The following PPP1R7 variants were observed in gnomAD, a reference collection of about 807,000 sequenced individuals.
PPP1R7 encodes the protein protein phosphatase 1 regulatory subunit 22.
In PPP1R7, 18 loss-of-function variants were observed where a neutral mutation model predicts 45.2. The ratio of observed to expected loss-of-function variants is 0.40; its 90% CI spans 0.28 to 0.59. The LOEUF (loss-of-function observed/expected upper bound fraction) is 0.59. Ranked by LOEUF, PPP1R7 falls within the 20% of genes least tolerant of loss-of-function variation. PPP1R7 has a pLI of 0.46. For synonymous variants in PPP1R7, 181 were observed against 183.4 expected (o/e 0.99, Z 0.11); for missense variants, 314 against 455.8 (o/e 0.69, Z 2.83).
intron 3 of PPP1R7, among the ~76,000 whole-genome samples, 193 bp from the exon 4 acceptor site, chr2:241,158,291 G>A (rs557260711): frequency 6.6e-6 from 1 of 152,330 alleles, no homozygotes; most frequent in South Asian, 2.1e-4. Flanking sequence ...TTAAGGGCCA[G>A]TTTTACATAA....
At chr2:241,169,948 A>G (rs2067785558) in intron 9 of PPP1R7, 81 bp downstream of exon 9, 6 of 1,182,090 alleles carry the variant, frequency 5.1e-6, no homozygotes, top group South Asian at 1.2e-5. Context: ...AATGAATACA[A>G]GAATCTCCTG....
At chr2:241,166,054 C>G (rs558387339) in intron 7 of PPP1R7, among the ~76,000 whole-genome samples, 161 of 151,690 alleles carry the variant, frequency 1.1e-3, no homozygotes, top group Non-Finnish European at 2.0e-3. Flanking sequence ...AGGCGCCCAT[C>G]ATCACACCTG....
chr2:241,153,839 G>A (rs1208642120), intron 2 of PPP1R7, among the ~76,000 whole-genome samples: 2 of 152,134 alleles, frequency 1.3e-5, no homozygotes, highest in African/African-American at 4.8e-5. Flanking sequence ...TCCACTGAAG[G>A]CAAATCCTAG....
At chr2:241,169,734 C>G in intron 8 of PPP1R7, 47 bp from the exon 9 acceptor site, 1 of 1,500,794 alleles carries the variant, frequency 6.7e-7, no homozygotes, top group South Asian at 1.1e-5. Flanking sequence ...ATGCAAATCA[C>G]TGTTGATCAG....
At chr2:241,181,416 G>A (rs1378919283) in intron 9 of PPP1R7, among the ~76,000 whole-genome samples, 1 of 152,060 alleles carries the variant, frequency 6.6e-6, no homozygotes, top group Non-Finnish European at 1.5e-5. Flanking sequence ...TGCAGGCTCT[G>A]AGGAGGGAGT....
intron 2 of PPP1R7, among the ~76,000 whole-genome samples, chr2:241,154,619 C>T (rs898646879): frequency 1.3e-5 from 2 of 152,184 alleles, no homozygotes; most frequent in African/African-American, 2.4e-5. Flanking sequence ...GCAGGAGAAT[C>T]GCTTGAACCA....
chr2:241,169,990 A>C (rs895221878), intron 9 of PPP1R7, 123 bp downstream of exon 9: 3 of 792,484 alleles, frequency 3.8e-6, no homozygotes, highest in Non-Finnish European at 6.2e-6. Flanking sequence ...TCCGCACATC[A>C]TGAGATTTGG....
chr2:241,154,418 T>C (rs2067399929), intron 2 of PPP1R7, among the ~76,000 whole-genome samples: 1 of 152,136 alleles, frequency 6.6e-6, no homozygotes. Flanking sequence ...CCGGGCGTAA[T>C]GGCTTACGCC....
intron 1 of PPP1R7, among the ~76,000 whole-genome samples, 169 bp from the exon 2 acceptor site, chr2:241,153,307 A>T (rs1481170298): frequency 2.0e-5 from 3 of 152,204 alleles, no homozygotes; most frequent in Non-Finnish European, 4.4e-5. Context: ...CCCCGCGGCC[A>T]TATGCCTCAA....
At chr2:241,166,942 C>T in intron 8 of PPP1R7, 1 of 966,724 alleles carries the variant, frequency 1.0e-6, no homozygotes, top group East Asian at 2.5e-5. Flanking sequence ...CCTCTTCTTA[C>T]AGTATGAGCA....
At chr2:241,158,940 C>T (rs1459611387) in intron 4 of PPP1R7, 9 of 451,596 alleles carry the variant, frequency 2.0e-5, no homozygotes, top group African/African-American at 7.8e-5. Flanking sequence ...ACACCCCAGG[C>T]CAACGCCTCC....
chr2:241,154,901 C>G (rs2067417599), intron 2 of PPP1R7: 1 of 152,062 alleles, frequency 6.6e-6, no homozygotes, highest in Non-Finnish European at 1.5e-5. Flanking sequence ...AGAAACAAAC[C>G]TAATTTTTAA....
intron 5 of PPP1R7, 78 bp downstream of exon 5, chr2:241,159,421 C>T: frequency 2.6e-6 from 4 of 1,543,222 alleles, no homozygotes; most frequent in Non-Finnish European, 3.5e-6. Context: ...CAGAGCCAAC[C>T]TCCTGCTGGC....
rs528575226 is a variant in PPP1R7, at chr2:241,158,786, G to T, written c.303+237G>T. ...CCTGAGCCCAGGCAGCCAGTGACCT[G>T]TGACTCTGGCCTGCCTCGGTTTCTG... On this transcript the variant is annotated intron_variant, in intron 4 of 9. Transcript: ENST00000234038. The T allele has an allele frequency of 1.9e-5, 10 of 531,534 alleles. No individual in the cohort carries two copies. The South Asian group carries it at 2.6e-4, about 14-fold the overall frequency. The allele number at this position is 531,534 out of a possible 1,614,324, so 32.9% of individuals were successfully genotyped here. A position where few individuals can be genotyped will look rare whatever the true frequency, so the allele number is the denominator to read the frequency against.
At chr2:241,165,983 A>G (rs546351180) in intron 7 of PPP1R7, among the ~76,000 whole-genome samples, 43 of 149,406 alleles carry the variant, frequency 2.9e-4, no homozygotes, top group African/African-American at 4.5e-4. Flanking sequence ...GCTCACTGCA[A>G]TCTCCGCCTC....
chr2:241,157,609 A>G (rs2067487432), intron 2 of PPP1R7, among the ~76,000 whole-genome samples, 198 bp from the exon 3 acceptor site: 1 of 152,220 alleles, frequency 6.6e-6, no homozygotes, highest in Non-Finnish European at 1.5e-5. Flanking sequence ...CAGAATGCTT[A>G]AAACATCACT....
intron 9 of PPP1R7, among the ~76,000 whole-genome samples, chr2:241,171,213 G>A (rs2067809601): frequency 6.6e-6 from 1 of 152,180 alleles, no homozygotes; most frequent in African/African-American, 2.4e-5. Flanking sequence ...GCCAACCTGG[G>A]TACCACAGCT....
intron 9 of PPP1R7, among the ~76,000 whole-genome samples, chr2:241,177,309 C>T (rs1256716439): frequency 1.3e-5 from 2 of 150,602 alleles, no homozygotes; most frequent in African/African-American, 2.5e-5. Context: ...CACCACTACT[C>T]GGGAGGCTGA....
intron 2 of PPP1R7, among the ~76,000 whole-genome samples, chr2:241,156,016 G>A (rs1405956173): frequency 1.3e-5 from 2 of 152,122 alleles, no homozygotes; most frequent in African/African-American, 4.8e-5. Context: ...AGGCATAGTG[G>A]AAAACAATGA....
Sources: gnomAD v4.1 joint callset for allele counts (sites outside exome capture counted in the v4.1 genomes callset) on GRCh38, gnomAD v4.1.1 for gene constraint, MANE v1.5 for transcripts, NCBI Gene and HGNC (gene_info 2026-07-23, HGNC 2026-07-21) for gene names.